The following NF1 variants were observed in gnomAD, a reference collection of about 807,000 sequenced individuals.
The protein encoded by NF1 is neurofibromin.
NF1 carries 122 observed loss-of-function variants against 325.7 expected under a neutral mutation model. The observed-to-expected ratio is 0.37, with a 90% CI of 0.32 to 0.44. NF1 has a LOEUF of 0.44. Ranked by LOEUF, NF1 falls within the 20% of genes least tolerant of loss-of-function variation. NF1 has a pLI of 1.00. For synonymous variants in NF1, 1,091 were observed against 1,186.0 expected (o/e 0.92, Z 1.65); for missense variants, 2,140 against 3,415.4 (o/e 0.63, Z 9.31).
In NF1 at chr17:31,327,448, G is replaced by A. The variant is rs892067664; in HGVS notation, c.5269-51G>A. The A allele has an allele frequency of 7.0e-6, 10 of 1,435,958 alleles. No homozygotes were observed. The African/African-American group carries it at 1.3e-4, about 18-fold the overall frequency. The allele number at this position is 1,435,958 out of a possible 1,614,324, so 89.0% of individuals were successfully genotyped here. On this transcript the variant is annotated intron_variant, in intron 37 of 57. Transcript: ENST00000358273. The stretch of plus-strand genomic sequence containing the variant: ...TTTCTGGAGCCTTTTAGAATTTTAT[G>A]TAAAAGAGTTTAATTCTTCTCCACT...
At position 31,366,565 on chromosome 17, in the gene NF1, C is replaced by CTT. The variant is rs2070525478; in HGVS notation, c.8377+5862_8377+5863insTT. On this transcript the variant is annotated intron_variant, in intron 57 of 57. Coordinates refer to ENST00000358273, the MANE Select transcript of NF1 (RefSeq NM_001042492.3). ...TCTAAACTTAGACTTGGCTCTGAGT[C>CTT]AGTAATACTTCTGTTTACTAGGTTT... Among the ~76,000 whole-genome samples, 9 of 152,232 alleles carry CTT rather than the reference C, an allele frequency of 5.9e-5. No individual in the cohort carries two copies. The South Asian group carries it at 1.9e-3, about 32-fold the overall frequency.
At chr17:31,116,427 G>T (rs898365376) in intron 1 of NF1, among the ~76,000 whole-genome samples, 3 of 151,964 alleles carry the variant, frequency 2.0e-5, no homozygotes, top group Non-Finnish European at 4.4e-5. Flanking sequence ...ATGTTTCAGA[G>T]AAATAATATA....
intron 57 of NF1, chr17:31,367,212 A>G: frequency 7.7e-7 from 1 of 1,304,648 alleles, no homozygotes; most frequent in Non-Finnish European, 1.0e-6. Context: ...TTTTTCTTCC[A>G]TTCTTTGTAA....
At chr17:31,288,684 C>T (rs1299051525) in intron 36 of NF1, among the ~76,000 whole-genome samples, 5 of 151,800 alleles carry the variant, frequency 3.3e-5, no homozygotes, top group Non-Finnish European at 5.9e-5. Context: ...TAATAGGTGC[C>T]TGCCCAGCTA....
chr17:31,163,688 A>C (rs2065801225), intron 4 of NF1, among the ~76,000 whole-genome samples: 1 of 152,196 alleles, frequency 6.6e-6, no homozygotes, highest in Non-Finnish European at 1.5e-5. Context: ...TGAAAGTCTA[A>C]ATTTCAGATA....
chr17:31,242,432 C>G (rs182844770), intron 29 of NF1, among the ~76,000 whole-genome samples: 2 of 147,340 alleles, frequency 1.4e-5, no homozygotes, highest in Non-Finnish European at 1.5e-5. Flanking sequence ...GCCAGTAACT[C>G]TTAAATTTGC....
intron 1 of NF1, among the ~76,000 whole-genome samples, chr17:31,107,341 A>G (rs1466025309): frequency 6.6e-6 from 1 of 152,178 alleles, no homozygotes; most frequent in Non-Finnish European, 1.5e-5. Flanking sequence ...TTTTAGTCAT[A>G]TATTGGCGAC....
intron 1 of NF1, chr17:31,138,386 C>T (rs1376219952): frequency 6.6e-6 from 1 of 152,160 alleles, no homozygotes; most frequent in Non-Finnish European, 1.5e-5. Context: ...GCCTCAGCCT[C>T]CTGAGTAGCT....
At chr17:31,233,598 C>T (rs568531027) in intron 27 of NF1, among the ~76,000 whole-genome samples, 1 of 152,144 alleles carries the variant, frequency 6.6e-6, no homozygotes, top group African/African-American at 2.4e-5. Flanking sequence ...ATGTCTCATA[C>T]AGTTTTTTAA....
chr17:31,350,924 C>G (rs2070125320), intron 50 of NF1, among the ~76,000 whole-genome samples: 1 of 152,076 alleles, frequency 6.6e-6, no homozygotes. Context: ...GTGTTGAACA[C>G]AGAAAAGTTA....
chr17:31,232,733 C>T lies in NF1; in HGVS notation c.3348C>T (p.Asp1116=), dbSNP rs1426298604. ...CATTATTTATGAACCTTTTGAATGA[C>T]TGCAGTGAAGTTGAAGATGAAAGTG... The part of the protein sequence containing the change: ...YFTLFMNLLN[D]CSEVEDESAQ... The change falls in exon 26 of 58, where the codon GAC becomes GAT. Residue 1116 remains aspartate (D), a synonymous_variant. Coordinates refer to ENST00000358273, the MANE Select transcript of NF1 (RefSeq NM_001042492.3). 1 of 1,613,682 alleles carries T rather than the reference C, an allele frequency of 6.2e-7. No homozygotes were observed. Among genetic ancestry groups the T allele is most frequent in the African/African-American group, 1.3e-5 (1 of 74,788 alleles).
chr17:31,315,171 C>T (rs2068989084), intron 36 of NF1, among the ~76,000 whole-genome samples: 1 of 151,896 alleles, frequency 6.6e-6, no homozygotes, highest in Non-Finnish European at 1.5e-5. Context: ...TATTTGATTA[C>T]CCACAAAGTA....
intron 8 of NF1, among the ~76,000 whole-genome samples, chr17:31,199,705 A>G (rs576163969): frequency 2.0e-5 from 3 of 152,340 alleles, no homozygotes; most frequent in African/African-American, 7.2e-5. Flanking sequence ...AGCCTTGAAT[A>G]TATTCTTATT....
chr17:31,235,587 A>G, intron 27 of NF1, 24 bp from the exon 28 acceptor site: 1 of 1,613,508 alleles, frequency 6.2e-7, no homozygotes, highest in Non-Finnish European at 8.5e-7. Context: ...TGTTTGCACT[A>G]ACCTGATTTT....
chr17:31,318,152 A>T, intron 36 of NF1: 1 of 886,374 alleles, frequency 1.1e-6, no homozygotes, highest in Non-Finnish European at 1.7e-6. Context: ...TTAAGCAGGC[A>T]TACTTCTCCC....
At chr17:31,162,601 G>A (rs1436204399) in intron 3 of NF1, among the ~76,000 whole-genome samples, 1 of 152,116 alleles carries the variant, frequency 6.6e-6, no homozygotes, top group Non-Finnish European at 1.5e-5. Context: ...ATTTTTCCTT[G>A]GTGTGTTAAT....
intron 1 of NF1, among the ~76,000 whole-genome samples, chr17:31,129,612 G>A (rs1214425561): frequency 6.6e-6 from 1 of 151,858 alleles, no homozygotes; most frequent in African/African-American, 2.4e-5. Context: ...TGTATTTTTC[G>A]TAGAGACGGG....
At chr17:31,167,990 A>G (rs761850043) in intron 4 of NF1, among the ~76,000 whole-genome samples, 1 of 152,224 alleles carries the variant, frequency 6.6e-6, no homozygotes, top group Non-Finnish European at 1.5e-5. Flanking sequence ...TCAAATACAA[A>G]GTAAATGTAC....
chr17:31,214,621 A>G, intron 13 of NF1, 36 bp downstream of exon 13: 1 of 1,605,688 alleles, frequency 6.2e-7, no homozygotes. Context: ...CAAAATTATC[A>G]CACTAAGTTA....
Sources: gnomAD v4.1 joint callset for allele counts (sites outside exome capture counted in the v4.1 genomes callset) on GRCh38, gnomAD v4.1.1 for gene constraint, MANE v1.5 for transcripts, NCBI Gene and HGNC (gene_info 2026-07-23, HGNC 2026-07-21) for gene names.